DLG2: variants seen among roughly 807,000 people sequenced by gnomAD.
The protein encoded by DLG2 is discs large MAGUK scaffold protein 2.
DLG2 carries 45 observed loss-of-function variants against 132.5 expected under a neutral mutation model. That is an observed-to-expected ratio of 0.34 (90% confidence interval 0.27 to 0.44). The LOEUF is 0.44. Ranked by LOEUF, DLG2 falls within the 20% of genes least tolerant of loss-of-function variation. DLG2 has a pLI of 1.00. For missense variants in DLG2, 1,045 were observed against 1,196.9 expected (o/e 0.87, Z 1.87); for synonymous variants, 424 against 419.6 (o/e 1.01, Z -0.13).
chr11:85,310,553 A>G (rs1376105170), intron 3 of DLG2, among the ~76,000 whole-genome samples: 1 of 152,170 alleles, frequency 6.6e-6, no homozygotes, highest in Non-Finnish European at 1.5e-5. Context: ...CTTTCCCTAC[A>G]GTACTCTGCA....
At chr11:84,305,476 C>A (rs769040071) in intron 7 of DLG2, among the ~76,000 whole-genome samples, 1 of 152,114 alleles carries the variant, frequency 6.6e-6, no homozygotes, top group African/African-American at 2.4e-5. Flanking sequence ...GATAATTTAA[C>A]AAGGAAAATT....
intron 21 of DLG2, among the ~76,000 whole-genome samples, chr11:83,512,197 C>T (rs2095064145): frequency 6.6e-6 from 1 of 152,120 alleles, no homozygotes. Context: ...TGGGGAGGTG[C>T]AAAGCCACCC....
intron 19 of DLG2, among the ~76,000 whole-genome samples, chr11:83,615,652 G>A (rs978025534): frequency 6.6e-6 from 1 of 152,186 alleles, no homozygotes; most frequent in Admixed American, 6.5e-5. Flanking sequence ...TTGCAAGTGG[G>A]TCAGAGAGAT....
At chr11:85,241,899 TAC>T (rs2075898719) in intron 4 of DLG2, among the ~76,000 whole-genome samples, 2 of 152,000 alleles carry the variant, frequency 1.3e-5, no homozygotes, top group Admixed American at 1.3e-4. Context: ...TTGCAACTGA[TAC>T]AACATTTCCA....
chr11:85,200,414 C>T (rs1022356326), intron 4 of DLG2, among the ~76,000 whole-genome samples: 6 of 152,098 alleles, frequency 3.9e-5, no homozygotes, highest in Admixed American at 6.6e-5. Context: ...GTGCTGTTCA[C>T]GGAAGAATCC....
chr11:84,129,834 G>A (rs751343135), intron 9 of DLG2, among the ~76,000 whole-genome samples: 3 of 151,800 alleles, frequency 2.0e-5, no homozygotes, highest in Non-Finnish European at 4.4e-5. Flanking sequence ...ATGAAAGTGA[G>A]TGAACTATGA....
chr11:85,573,263 C>A (rs2077954779), intron 3 of DLG2, among the ~76,000 whole-genome samples: 1 of 152,184 alleles, frequency 6.6e-6, no homozygotes, highest in African/African-American at 2.4e-5. Flanking sequence ...TGGCCTAATA[C>A]AACCCTCCTT....
chr11:84,343,416 C>G (rs190907913), intron 7 of DLG2, among the ~76,000 whole-genome samples: 2 of 152,292 alleles, frequency 1.3e-5, no homozygotes. Context: ...CAAAGCAAGT[C>G]ACTAGCCTTC....
chr11:84,367,422 T>C (rs1227786754), intron 7 of DLG2, among the ~76,000 whole-genome samples: 2 of 152,102 alleles, frequency 1.3e-5, no homozygotes, highest in African/African-American at 2.4e-5. Flanking sequence ...ACTTGGCCCA[T>C]GAACTGTAGT....
At position 84,648,777 on chromosome 11, in the gene DLG2, G is replaced by GTA. The variant is rs35392253; in HGVS notation, c.358-114048_358-114047dup. ...TCTCTCTCTATATATACATGTGTGT[G>GTA]TATATATATATATATCTCACACACA... On this transcript the variant is annotated intron_variant, in intron 6 of 27. Coordinates refer to ENST00000376104, the MANE Select transcript of DLG2 (RefSeq NM_001142699.3). Among the ~76,000 whole-genome samples the GTA allele has an allele frequency of 1.3e-3, 199 of 149,982 alleles. 4 individuals are homozygous for GTA. In the East Asian group the frequency reaches 0.017, roughly 13 times the overall value.
intron 6 of DLG2, among the ~76,000 whole-genome samples, chr11:85,032,964 T>C (rs565537203): frequency 1.3e-5 from 2 of 152,284 alleles, no homozygotes; most frequent in South Asian, 4.1e-4. Context: ...AACATGCCAA[T>C]AAGTGAGACA....
intron 18 of DLG2, chr11:83,652,099 C>T (rs1462523086): frequency 1.7e-5 from 5 of 294,798 alleles, no homozygotes; most frequent in South Asian, 1.2e-4. Context: ...CGTTTGCCCC[C>T]AAATGCTAAA....
intron 3 of DLG2, among the ~76,000 whole-genome samples, chr11:85,365,007 A>T (rs527759754): frequency 9.2e-4 from 140 of 152,226 alleles, no homozygotes; most frequent in African/African-American, 3.2e-3. Context: ...TCATACTTTA[A>T]TCTGGGACCC....
At chr11:83,517,661 T>C (rs1662491735) in intron 21 of DLG2, among the ~76,000 whole-genome samples, 1 of 152,208 alleles carries the variant, frequency 6.6e-6, no homozygotes, top group Non-Finnish European at 1.5e-5. Flanking sequence ...TTTATCTACC[T>C]TTGGTCTTTG....
At chr11:83,854,588 A>C (rs1479112894) in intron 16 of DLG2, among the ~76,000 whole-genome samples, 1 of 152,102 alleles carries the variant, frequency 6.6e-6, no homozygotes, top group Non-Finnish European at 1.5e-5. Flanking sequence ...ACCCTGAACA[A>C]AAATAAACTC....
chr11:84,946,644 C>T (rs1019534672), intron 6 of DLG2, among the ~76,000 whole-genome samples: 1 of 152,024 alleles, frequency 6.6e-6, no homozygotes, highest in Non-Finnish European at 1.5e-5. Context: ...AAGGAAGGAG[C>T]AACTATAGAG....
chr11:84,968,858 C>A (rs1287458378), intron 6 of DLG2, among the ~76,000 whole-genome samples: 1 of 152,058 alleles, frequency 6.6e-6, no homozygotes, highest in Non-Finnish European at 1.5e-5. Flanking sequence ...TATAGAGTTA[C>A]AATAACTACA....
intron 11 of DLG2, among the ~76,000 whole-genome samples, chr11:84,012,281 C>G (rs1269703046): frequency 1.3e-5 from 2 of 152,048 alleles, no homozygotes; most frequent in African/African-American, 4.8e-5. Flanking sequence ...TACTCCAGAT[C>G]ATTGTGTACT....
chr11:84,609,839 C>A (rs2099592305), intron 6 of DLG2, among the ~76,000 whole-genome samples: 1 of 152,032 alleles, frequency 6.6e-6, no homozygotes, highest in African/African-American at 2.4e-5. Flanking sequence ...AAAGCAATCT[C>A]AGTATTTAAG....
Sources: gnomAD v4.1 joint callset for allele counts (sites outside exome capture counted in the v4.1 genomes callset) on GRCh38, gnomAD v4.1.1 for gene constraint, MANE v1.5 for transcripts, NCBI Gene and HGNC (gene_info 2026-07-23, HGNC 2026-07-21) for gene names.